The following ZNF451 variants were observed in gnomAD, a reference collection of about 807,000 sequenced individuals.
ZNF451 encodes E3 SUMO-protein ligase ZNF451.
In ZNF451, 80 loss-of-function variants were observed where a neutral mutation model predicts 107.1. That is an observed-to-expected ratio of 0.75 (90% CI 0.62 to 0.90). The LOEUF is 0.90. Ranked by LOEUF, ZNF451 falls within the 40% of genes least tolerant of loss-of-function variation. The pLI, the probability that ZNF451 is intolerant of heterozygous loss-of-function variation, is 0.00. For missense variants in ZNF451, 1,107 were observed against 1,236.2 expected (o/e 0.90, Z 1.57); for synonymous variants, 362 against 406.5 (o/e 0.89, Z 1.32).
rs1188297263 is a variant in ZNF451, at chr6:57,092,174, A to G, written c.105+1280A>G. 3.3e-5 allele frequency among the ~76,000 whole-genome samples: 5 copies of G among 152,322 alleles called. No individual in the cohort carries two copies. In the East Asian group the frequency reaches 9.6e-4, roughly 29 times the overall value. ...TCTTATGGTGTTTAGTAGAAATAATACTAGGAATGACATACTTCTTTATGA... is the reference window on the plus strand; with the variant it reads ...TCTTATGGTGTTTAGTAGAAATAATGCTAGGAATGACATACTTCTTTATGA... On this transcript the variant is annotated intron_variant, in intron 2 of 14. Coordinates refer to ENST00000370706, the MANE Select transcript of ZNF451 (RefSeq NM_001031623.3).
rs903794581 is a variant in ZNF451 at position 57,128,733 on chromosome 6, A to C, written c.317A>C (p.Lys106Thr). 3.1e-6 allele frequency: 5 copies of C among 1,605,162 alleles called. No homozygotes were observed. The highest frequency in any genetic ancestry group is 3.4e-5 in the Admixed American group (2 of 58,026). ...KEEKNRAFREKIDFQHAHGLQ... is the reference protein window; with the variant it reads ...KEEKNRAFRETIDFQHAHGLQ... ...GTTTTTTCTTAATGTCTTCAGGAAA[A>C]AATTGATTTTCAGCATGCTCATGGG... Residue 106 changes from lysine to threonine, a missense_variant, in exon 5 of 15, where the codon AAA becomes ACA. Physicochemically the swap from Lys to Thr is moderately conservative, Grantham distance 78 (BLOSUM62 -1). Transcript: ENST00000370706.
intron 3 of ZNF451, among the ~76,000 whole-genome samples, chr6:57,123,652 C>T (rs1830753351): frequency 6.6e-6 from 1 of 151,530 alleles, no homozygotes; most frequent in Admixed American, 6.6e-5. Context: ...CACATGTACC[C>T]TTGAATGTGA....
At chr6:57,155,192 A>G (rs1394130455) in intron 13 of ZNF451, among the ~76,000 whole-genome samples, 1 of 152,174 alleles carries the variant, frequency 6.6e-6, no homozygotes, top group East Asian at 1.9e-4. Flanking sequence ...AAACAAAAAA[A>G]CAAAAAAAAC....
intron 2 of ZNF451, among the ~76,000 whole-genome samples, chr6:57,096,049 C>T (rs1829288372): frequency 6.6e-6 from 1 of 152,128 alleles, no homozygotes; most frequent in Non-Finnish European, 1.5e-5. Flanking sequence ...GTCTCGAACT[C>T]ATGGCCTCAT....
intron 4 of ZNF451, 51 bp downstream of exon 4, chr6:57,124,910 T>G: frequency 8.0e-7 from 1 of 1,246,322 alleles, no homozygotes; most frequent in Non-Finnish European, 1.0e-6. Context: ...TTATTTATAA[T>G]AAAGTTGGTA....
intron 3 of ZNF451, among the ~76,000 whole-genome samples, chr6:57,117,556 G>A (rs770273897): frequency 6.6e-6 from 1 of 152,172 alleles, no homozygotes; most frequent in Admixed American, 6.5e-5. Context: ...AGTGTCGTGA[G>A]TATGTTTTGA....
At chr6:57,153,724 T>C (rs1312619239) in intron 12 of ZNF451, 137 bp from the exon 13 acceptor site, 7 of 817,560 alleles carry the variant, frequency 8.6e-6, no homozygotes, top group Non-Finnish European at 1.4e-5. Flanking sequence ...AAGGAGATCT[T>C]TATGTCATAC....
intron 14 of ZNF451, among the ~76,000 whole-genome samples, chr6:57,161,483 C>T (rs898534410): frequency 6.6e-6 from 1 of 151,702 alleles, no homozygotes; most frequent in Admixed American, 6.6e-5. Flanking sequence ...CAGTAGAGCC[C>T]CTCCACCCCC....
chr6:57,128,024 A>G (rs547364973), intron 4 of ZNF451, among the ~76,000 whole-genome samples: 1 of 152,298 alleles, frequency 6.6e-6, no homozygotes, highest in South Asian at 2.1e-4. Context: ...TAAAGAGTCT[A>G]TGGCCTGCAA....
chr6:57,123,068 TGA>T lies in ZNF451; in HGVS notation c.187-1663_187-1662del, dbSNP rs368890772. Among the ~76,000 whole-genome samples, 1,293 of 152,246 alleles carry T rather than the reference TGA, an allele frequency of 8.5e-3. 15 individuals carry two copies. The highest frequency in any genetic ancestry group is 0.028 in the African/African-American group (1,162 of 41,546). On this transcript the variant is annotated intron_variant, in intron 3 of 14. Coordinates refer to ENST00000370706, the MANE Select transcript of ZNF451 (RefSeq NM_001031623.3). ...CTGTAGTCCCAGCTACTCAGGAGGC[TGA>T]GACAGGAGGATTGCTTGAGCCTGGC...
chr6:57,131,905 C>CT (rs1429949238), intron 5 of ZNF451, among the ~76,000 whole-genome samples: 1 of 152,116 alleles, frequency 6.6e-6, no homozygotes, highest in African/African-American at 2.4e-5. Context: ...TTTTATACAA[C>CT]TTAACTGTTT....
intron 5 of ZNF451, 150 bp from the exon 6 acceptor site, chr6:57,132,891 CT>C (rs1233145031): frequency 2.7e-6 from 2 of 752,070 alleles, no homozygotes; most frequent in Non-Finnish European, 4.1e-6. Flanking sequence ...GTTATTATAT[CT>C]TTTATAAGAG....
intron 9 of ZNF451, among the ~76,000 whole-genome samples, chr6:57,146,337 A>T (rs1832062792): frequency 6.6e-6 from 1 of 151,980 alleles, no homozygotes; most frequent in African/African-American, 2.4e-5. Flanking sequence ...TTAGTCATAA[A>T]TTTTTTGCCT....
At chr6:57,155,933 A>G (rs974395720) in intron 13 of ZNF451, among the ~76,000 whole-genome samples, 2 of 150,862 alleles carry the variant, frequency 1.3e-5, no homozygotes, top group African/African-American at 4.9e-5. Flanking sequence ...GAGATTGTGC[A>G]CTGCATGAAG....
chr6:57,095,128 TTGTGTA>T (rs1310246620), intron 2 of ZNF451, among the ~76,000 whole-genome samples: 4 of 152,196 alleles, frequency 2.6e-5, no homozygotes, highest in Non-Finnish European at 4.4e-5. Flanking sequence ...TGTACACTAT[TTGTGTA>T]TAAGTAATCT....
chr6:57,125,102 T>C (rs1017513929), intron 4 of ZNF451, among the ~76,000 whole-genome samples: 18 of 152,148 alleles, frequency 1.2e-4, no homozygotes, highest in African/African-American at 4.3e-4. Context: ...TTTTGAGAAT[T>C]AAAAATCATG....
intron 5 of ZNF451, among the ~76,000 whole-genome samples, chr6:57,131,192 T>C (rs962095168): frequency 1.5e-4 from 23 of 152,220 alleles, no homozygotes; most frequent in African/African-American, 5.3e-4. Context: ...ACCTTATTTA[T>C]AATTATTCTA....
chr6:57,124,575 A>ACAGACCTACAAAATAC, intron 3 of ZNF451, 159 bp from the exon 4 acceptor site: 1 of 702,196 alleles, frequency 1.4e-6, no homozygotes, highest in South Asian at 1.6e-5. Context: ...TGGATAATTG[A>ACAGACCTACAAAATAC]CAGACCTACA....
At chr6:57,092,016 TG>T (rs879275820) in intron 2 of ZNF451, among the ~76,000 whole-genome samples, 2 of 152,160 alleles carry the variant, frequency 1.3e-5, no homozygotes, top group African/African-American at 4.8e-5. Flanking sequence ...GAGTAGAGGA[TG>T]GGGGTGAATT....
Sources: gnomAD v4.1 joint callset for allele counts (sites outside exome capture counted in the v4.1 genomes callset) on GRCh38, gnomAD v4.1.1 for gene constraint, MANE v1.5 for transcripts, NCBI Gene and HGNC (gene_info 2026-07-23, HGNC 2026-07-21) for gene names.